The following BROX variants were observed in gnomAD, a reference collection of about 807,000 sequenced individuals.
BROX encodes the protein BRO1 domain-containing protein BROX.
A neutral mutation model predicts 61.0 loss-of-function variants in BROX; 53 were observed. The ratio of observed to expected loss-of-function variants is 0.87; its 90% CI spans 0.70 to 1.09. BROX has a LOEUF of 1.09. Ranked by LOEUF, BROX falls within the 50% of genes least tolerant of loss-of-function variation. The probability of loss-of-function intolerance (pLI) is 0.00; values close to 1 mark genes in which losing one functional copy is unlikely to be tolerated. For missense variants in BROX, 489 were observed against 472.0 expected, an observed-to-expected ratio of 1.04 and a Z score of -0.33; for synonymous variants, 152 against 160.2, an observed-to-expected ratio of 0.95 and a Z score of 0.38.
chr1:222,732,541 C>T lies in BROX; in HGVS notation c.1150-87C>T, dbSNP rs878892070. On this transcript the variant is annotated intron_variant, in intron 12 of 12. Transcript: ENST00000340934. ...CATGTTATGTAATTTAATATAGCAT[C>T]TTTTAAAAGTCTGAAGTGGAAAAGA... 3 of 906,764 alleles carry T rather than the reference C, an allele frequency of 3.3e-6. No individual in the cohort carries two copies. The Admixed American group carries it at 7.8e-5, about 24-fold the overall frequency. The allele number at this position is 906,764 out of a possible 1,614,324, so 56.2% of individuals were successfully genotyped here. A position where few individuals can be genotyped will look rare whatever the true frequency, so the allele number is the denominator to read the frequency against.
Position 222,730,036 on chromosome 1 carries a change from A to G in BROX, c.848A>G (p.Lys283Arg). ...TCTCTTTCACATGCAGTGTATGCAA[A>G]GGCAGAAGCACTGTGTAAAGAATAT... ...SLQEAEKLYA[K>R]AEALCKEYGE... Residue 283 changes from lysine to arginine, a missense_variant, in exon 11 of 13, where the codon AAG (lysine) becomes AGG (arginine). Transcript: ENST00000340934. The G allele has an allele frequency of 2.5e-6, 4 of 1,603,024 alleles. No individual in the cohort carries two copies. Among genetic ancestry groups the G allele is most frequent in the Non-Finnish European group, 3.4e-6 (4 of 1,176,680 alleles).
At position 222,730,123 on chromosome 1, in the gene BROX, T is replaced by G. The variant is rs1170851391; in HGVS notation, c.935T>G (p.Leu312Arg). 1 of 1,612,752 alleles carries G rather than the reference T, an allele frequency of 6.2e-7. No homozygotes were observed. The highest frequency in any genetic ancestry group is 8.5e-7 in the Non-Finnish European group (1 of 1,179,270). Residue 312 changes from leucine to arginine, a missense_variant, in exon 11 of 13, where the codon CTT becomes CGT. By Grantham distance (102) the Leu-to-Arg change is moderately radical. Transcript: ENST00000340934. ...TCAGGACATCTGTTCTTTAGGAAAC[T>G]TGGAAACCTTGTGAAGAACACCCTA... is the stretch of plus-strand genomic sequence containing the variant. ...KPSGHLFFRK[L>R]GNLVKNTLEK...
chr1:222,718,386 G>A (rs1248875976), intron 2 of BROX, among the ~76,000 whole-genome samples: 13 of 152,150 alleles, frequency 8.5e-5, no homozygotes, highest in Non-Finnish European at 7.4e-5. Context: ...TGAATTACAT[G>A]TCAAGGATAT....
chr1:222,719,239 A>G (rs752054288), intron 3 of BROX, 24 bp from the exon 4 acceptor site: 1 of 1,508,026 alleles, frequency 6.6e-7, no homozygotes, highest in East Asian at 2.3e-5. Context: ...TTCTAAAACT[A>G]AAATGTCTTG....
intron 10 of BROX, 101 bp from the exon 11 acceptor site, chr1:222,729,924 TAA>T: frequency 6.2e-6 from 7 of 1,121,096 alleles, no homozygotes; most frequent in Non-Finnish European, 9.0e-6. Context: ...TTATATTAGG[TAA>T]AGAGCAGTAA....
chr1:222,728,967 G>A (rs1322940704), intron 9 of BROX, 139 bp downstream of exon 9: 1 of 547,744 alleles, frequency 1.8e-6, no homozygotes, highest in African/African-American at 1.9e-5. Flanking sequence ...TGTTCACTGA[G>A]AGTCAGTGCA....
At chr1:222,718,822 T>TGTGTGTGTGTTTTA (rs1199781974) in intron 2 of BROX, 103 bp from the exon 3 acceptor site, 3 of 844,044 alleles carry the variant, frequency 3.6e-6, no homozygotes, top group Non-Finnish European at 6.0e-6. Flanking sequence ...CGTGTGTGTA[T>TGTGTGTGTGTTTTA]GTGTGTGTGT....
rs2125051100 is a variant in BROX, at chr1:222,734,310, A to C, written c.*1596A>C. Reference sequence around the variant, plus strand: ...TACATAGATAAGCCATTGAATCCACACAGCAGCCCTGTAAGAAATAAGTAA... The same window carrying C: ...TACATAGATAAGCCATTGAATCCACCCAGCAGCCCTGTAAGAAATAAGTAA... On this transcript the variant is annotated 3_prime_UTR_variant, in exon 13 of 13. Coordinates refer to ENST00000340934, the MANE Select transcript of BROX (RefSeq NM_144695.4). The C allele has an allele frequency of 6.6e-6, 1 of 152,356 alleles. No individual in the cohort carries two copies. Among genetic ancestry groups the C allele is most frequent in the South Asian group, 2.1e-4 (1 of 4,834 alleles). 9.4% of individuals were successfully genotyped at this position (152,356 alleles called of 1,614,324 possible). A position where few individuals can be genotyped will look rare whatever the true frequency, so the allele number is the denominator to read the frequency against.
intron 5 of BROX, 46 bp downstream of exon 5, chr1:222,722,560 G>C (rs1571974063): frequency 7.7e-7 from 1 of 1,302,984 alleles, no homozygotes; most frequent in East Asian, 2.3e-5. Flanking sequence ...TATTTTTCAA[G>C]TATGTGGCGC....
At chr1:222,726,546 A>G (rs777428719) in intron 7 of BROX, among the ~76,000 whole-genome samples, 2 of 152,138 alleles carry the variant, frequency 1.3e-5, no homozygotes, top group East Asian at 1.9e-4. Flanking sequence ...GAGAAACCCC[A>G]TCTCCACTAA....
Position 222,729,605 on chromosome 1 carries a change from T to C in BROX, c.757-15T>C. ...GAAGGGAGAGAATGAATAAAAAATT[T>C]GTTTATTTCATCAGGCTTACTGTTA... is the stretch of plus-strand genomic sequence containing the variant. On this transcript the variant is annotated splice_polypyrimidine_tract_variant and intron_variant, in intron 9 of 12. Coordinates refer to ENST00000340934, the MANE Select transcript of BROX (RefSeq NM_144695.4). 1.2e-6 allele frequency: 2 copies of C among 1,601,474 alleles called. No homozygotes were observed. The highest frequency in any genetic ancestry group is 1.7e-6 in the Non-Finnish European group (2 of 1,170,144).
intron 3 of BROX, 25 bp downstream of exon 3, chr1:222,719,056 G>T (rs769820232): frequency 5.1e-6 from 8 of 1,575,340 alleles, no homozygotes; most frequent in Middle Eastern, 1.7e-4. Flanking sequence ...TGAACTTGAG[G>T]TTTTTTAAAA....
intron 4 of BROX, among the ~76,000 whole-genome samples, chr1:222,721,164 A>G (rs1257927585): frequency 6.6e-6 from 1 of 152,218 alleles, no homozygotes. Context: ...TAAAAGTTAT[A>G]AATTAGACAT....
chr1:222,730,226 GATT>G lies in BROX; in HGVS notation c.989+52_989+54del, dbSNP rs752159809. The G allele has an allele frequency of 3.3e-6, 4 of 1,210,896 alleles. No individual in the cohort carries two copies. In the African/African-American group the frequency reaches 6.4e-5, roughly 19 times the overall value. 75.0% of individuals were successfully genotyped at this position (1,210,896 alleles called of 1,614,324 possible). A position where few individuals can be genotyped will look rare whatever the true frequency, so the allele number is the denominator to read the frequency against. ...TAGTAATAATATTATGTTGATTTAT[GATT>G]ATATTAAAATATTAATATTTTAGTA... On this transcript the variant is annotated intron_variant, in intron 11 of 12. Transcript: ENST00000340934.
intron 3 of BROX, 54 bp from the exon 4 acceptor site, chr1:222,719,209 C>G (rs1051619119): frequency 9.3e-6 from 13 of 1,397,008 alleles, no homozygotes; most frequent in Non-Finnish European, 1.3e-5. Flanking sequence ...AAACAGAACA[C>G]TCAATATTTC....
At chr1:222,727,087 C>A (rs374109058) in intron 7 of BROX, 81 bp from the exon 8 acceptor site, 2 of 951,016 alleles carry the variant, frequency 2.1e-6, no homozygotes, top group Non-Finnish European at 3.3e-6. Flanking sequence ...GATTATCAGA[C>A]TGTCTTTTGC....
At chr1:222,727,404 G>C in intron 8 of BROX, 147 bp downstream of exon 8, 1 of 655,810 alleles carries the variant, frequency 1.5e-6, no homozygotes, top group East Asian at 2.8e-5. Flanking sequence ...ATTTAAAATA[G>C]AGCTGTTCAT....
Position 222,712,931 on chromosome 1 carries a change from CTG to C in BROX, c.-27_-26del. 2 of 1,191,478 alleles carry C rather than the reference CTG, an allele frequency of 1.7e-6. No individual in the cohort carries two copies. The highest frequency in any genetic ancestry group is 3.1e-5 in the South Asian group (2 of 65,024). The allele number at this position is 1,191,478 out of a possible 1,614,324, so 73.8% of individuals were successfully genotyped here. A position where few individuals can be genotyped will look rare whatever the true frequency, so the allele number is the denominator to read the frequency against. On this transcript the variant is annotated 5_prime_UTR_variant, in exon 1 of 13. Transcript: ENST00000340934. ...CCTTAGAAGAACTGCTGAACCGACTCTGAGAAATTTGGTAAGTATGTCAGAGG... is the reference window on the plus strand; with the variant it reads ...CCTTAGAAGAACTGCTGAACCGACTCAGAAATTTGGTAAGTATGTCAGAGG...
In BROX at chr1:222,725,450, G is replaced by T; in HGVS notation, c.475G>T (p.Glu159Ter). The change falls in exon 7 of 13, where the codon GAA becomes TAA. Residue 159 changes from glutamate to a stop codon, truncating the protein, a stop_gained and splice_region_variant. Coordinates refer to ENST00000340934, the MANE Select transcript of BROX (RefSeq NM_144695.4). LOFTEE classifies it high-confidence loss of function. ...TTGTCTTTTTTGTTGTTGTTCTCAG[G>T]AAAGTCATCTCCCAAAACTCATTAC... ...IAAGIFKHLK[E>*]SHLPKLITPA... 6.3e-7 allele frequency: 1 copy of T among 1,588,510 alleles called. No individual in the cohort carries two copies.
Sources: allele counts gnomAD v4.1 joint callset (sites outside exome capture counted in the v4.1 genomes callset), GRCh38; gene constraint gnomAD v4.1.1; transcripts MANE v1.5; gene names NCBI Gene and HGNC (gene_info 2026-07-23, HGNC 2026-07-21).